PHACTR1: variants seen among roughly 807,000 people sequenced by gnomAD.
The protein encoded by PHACTR1 is phosphatase and actin regulator 1.
A neutral mutation model predicts 69.2 loss-of-function variants in PHACTR1; 16 were observed. The ratio of observed to expected loss-of-function variants is 0.23; its 90% CI spans 0.16 to 0.35. PHACTR1 has a LOEUF of 0.35. Among genes scored for constraint, PHACTR1 ranks in the 10% least tolerant of loss-of-function variants. The pLI is 1.00. For synonymous variants in PHACTR1, 312 were observed against 284.5 expected, an observed-to-expected ratio of 1.10 and a Z score of -0.97; for missense variants, 510 against 734.7, an observed-to-expected ratio of 0.69 and a Z score of 3.54.
chr6:13,175,969 A>AAGGATGG (rs1443529024), intron 6 of PHACTR1, among the ~76,000 whole-genome samples: 1 of 151,992 alleles, frequency 6.6e-6, no homozygotes, highest in African/African-American at 2.4e-5. Context: ...GCAGGAGGGA[A>AAGGATGG]AGGATGGATT....
At chr6:13,214,815 A>G (rs937988305) in intron 8 of PHACTR1, among the ~76,000 whole-genome samples, 2 of 152,228 alleles carry the variant, frequency 1.3e-5, no homozygotes, top group African/African-American at 4.8e-5. Flanking sequence ...TCATTCATGC[A>G]TGCTATCAAC....
intron 4 of PHACTR1, among the ~76,000 whole-genome samples, chr6:12,836,626 A>T (rs1032983026): frequency 4.6e-5 from 7 of 152,194 alleles, no homozygotes; most frequent in Non-Finnish European, 8.8e-5. Context: ...AAGAAAAAAT[A>T]AAAATAACCT....
chr6:13,041,654 C>T (rs950128516), intron 4 of PHACTR1, among the ~76,000 whole-genome samples: 4 of 152,096 alleles, frequency 2.6e-5, no homozygotes, highest in Admixed American at 1.3e-4. Flanking sequence ...TAATAGGTAA[C>T]AGAGTGGCTG....
intron 5 of PHACTR1, among the ~76,000 whole-genome samples, chr6:13,073,534 G>T (rs985506683): frequency 6.6e-6 from 1 of 151,128 alleles, no homozygotes; most frequent in Admixed American, 6.6e-5. Context: ...AGGAGAGAAG[G>T]GGTTTCACCA....
chr6:12,738,463 C>T (rs532791979), intron 3 of PHACTR1, among the ~76,000 whole-genome samples: 4 of 152,326 alleles, frequency 2.6e-5, no homozygotes, highest in African/African-American at 9.6e-5. Context: ...GTTAGCATCC[C>T]TTATCAGTTC....
At chr6:12,841,011 A>C (rs1778641246) in intron 4 of PHACTR1, among the ~76,000 whole-genome samples, 1 of 152,206 alleles carries the variant, frequency 6.6e-6, no homozygotes, top group Non-Finnish European at 1.5e-5. Flanking sequence ...GGAACTCACG[A>C]AAGTGGCACT....
chr6:12,933,021 C>T (rs751285874), intron 4 of PHACTR1, among the ~76,000 whole-genome samples: 12 of 150,164 alleles, frequency 8.0e-5, no homozygotes, highest in African/African-American at 2.7e-4. Flanking sequence ...CTGCAATGGA[C>T]GCCTCCTGAG....
At chr6:12,767,419 A>G (rs1768767924) in intron 4 of PHACTR1, among the ~76,000 whole-genome samples, 1 of 152,344 alleles carries the variant, frequency 6.6e-6, no homozygotes, top group Admixed American at 6.5e-5. Flanking sequence ...TGCAAGACAC[A>G]TGTGTTTTTT....
chr6:13,136,202 G>T (rs2113283474), intron 5 of PHACTR1, among the ~76,000 whole-genome samples: 1 of 150,876 alleles, frequency 6.6e-6, no homozygotes, highest in East Asian at 1.9e-4. Context: ...AAAAAAAAAA[G>T]AAAATCTATT....
At chr6:12,970,702 G>A (rs909540185) in intron 4 of PHACTR1, among the ~76,000 whole-genome samples, 2 of 152,220 alleles carry the variant, frequency 1.3e-5, no homozygotes, top group Admixed American at 6.5e-5. Context: ...GTGGCAGTGA[G>A]CCGAAATCTC....
chr6:13,202,710 C>G (rs1326285703), intron 7 of PHACTR1, among the ~76,000 whole-genome samples: 2 of 152,214 alleles, frequency 1.3e-5, no homozygotes, highest in Admixed American at 6.5e-5. Flanking sequence ...CTCCTGACCT[C>G]AAGTAATCCA....
chr6:13,027,920 A>T (rs1168703384), intron 4 of PHACTR1, among the ~76,000 whole-genome samples: 1 of 152,086 alleles, frequency 6.6e-6, no homozygotes, highest in Non-Finnish European at 1.5e-5. Flanking sequence ...CAGGTGATCC[A>T]CCCGTCTAGG....
chr6:13,065,851 A>G (rs925175926), intron 5 of PHACTR1, among the ~76,000 whole-genome samples: 82 of 152,124 alleles, frequency 5.4e-4, no homozygotes, highest in African/African-American at 2.0e-3. Context: ...TTAGCATCTG[A>G]TTTTAATAAG....
chr6:13,083,327 A>G (rs1356417624), intron 5 of PHACTR1, among the ~76,000 whole-genome samples: 1 of 152,100 alleles, frequency 6.6e-6, no homozygotes, highest in East Asian at 1.9e-4. Context: ...TACCAGTACC[A>G]TGCTGTTTTG....
chr6:12,853,045 A>G (rs1050457923), intron 4 of PHACTR1, among the ~76,000 whole-genome samples: 4 of 152,188 alleles, frequency 2.6e-5, no homozygotes, highest in Non-Finnish European at 5.9e-5. Context: ...TTGCTATCTT[A>G]TTGCAACTTG....
intron 4 of PHACTR1, among the ~76,000 whole-genome samples, chr6:12,820,347 A>AT: frequency 6.6e-6 from 1 of 152,102 alleles, no homozygotes; most frequent in South Asian, 2.1e-4. Context: ...CGTCTGACTA[A>AT]TTTTTTGTAT....
chr6:13,044,731 T>A (rs1377060758), intron 4 of PHACTR1, among the ~76,000 whole-genome samples: 1 of 152,130 alleles, frequency 6.6e-6, no homozygotes, highest in Non-Finnish European at 1.5e-5. Flanking sequence ...TCCTCCTAGT[T>A]TCGTAATATT....
At chr6:12,828,830 G>C (rs1376864338) in intron 4 of PHACTR1, among the ~76,000 whole-genome samples, 2 of 152,102 alleles carry the variant, frequency 1.3e-5, no homozygotes, top group African/African-American at 4.8e-5. Context: ...GGGGTGGGGT[G>C]GTTACGGAGA....
intron 5 of PHACTR1, among the ~76,000 whole-genome samples, chr6:13,083,553 G>A (rs1230327799): frequency 1.5e-4 from 22 of 151,452 alleles, no homozygotes; most frequent in East Asian, 5.8e-4. Context: ...CCATTTTCAC[G>A]ATATTGATTC....
Sources: allele counts gnomAD v4.1 joint callset (sites outside exome capture counted in the v4.1 genomes callset), GRCh38; gene constraint gnomAD v4.1.1; transcripts MANE v1.5; gene names NCBI Gene and HGNC (gene_info 2026-07-23, HGNC 2026-07-21).